The following ZNF536 variants were observed in gnomAD, a reference collection of about 807,000 sequenced individuals.
ZNF536 encodes the protein zinc finger protein 536.
A neutral mutation model predicts 84.5 loss-of-function variants in ZNF536; 13 were observed. That is an observed-to-expected ratio of 0.15 (90% CI 0.10 to 0.24). The LOEUF (loss-of-function observed/expected upper bound fraction) is 0.24, where lower values mean the gene tolerates loss of function less well. Ranked by LOEUF, ZNF536 falls within the 10% of genes least tolerant of loss-of-function variation. The pLI, the probability that ZNF536 is intolerant of heterozygous loss-of-function variation, is 1.00. For missense variants in ZNF536, 1,536 were observed against 1,747.5 expected (o/e 0.88, Z 2.16); for synonymous variants, 811 against 742.5 (o/e 1.09, Z -1.50).
At chr19:30,653,455 G>A (rs2049785859) in intron 1 of ZNF536, among the ~76,000 whole-genome samples, 1 of 152,166 alleles carries the variant, frequency 6.6e-6, no homozygotes, top group Admixed American at 6.5e-5. Context: ...CTCACAGTTG[G>A]GTTTTGTTTG....
In ZNF536 at chr19:30,549,571, G is replaced by A. The variant is rs76109260; in HGVS notation, c.3895+57G>A. The A allele has an allele frequency of 1.4e-3, 1,943 of 1,424,064 alleles. 27 individuals carry two copies. The African/African-American group carries it at 0.025, about 18-fold the overall frequency. 88.2% of individuals were successfully genotyped at this position (1,424,064 alleles called of 1,614,324 possible). On this transcript the variant is annotated intron_variant, in intron 4 of 4. Transcript: ENST00000355537. ...TTTCCCAAAACATCAGTGCTGAATTGTGCATTTAAAAAAATGAGGTAGACT... is the reference window on the plus strand; with the variant it reads ...TTTCCCAAAACATCAGTGCTGAATTATGCATTTAAAAAAATGAGGTAGACT...
At chr19:30,307,323 G>A (rs760310335) in intron 2 of ZNF536, among the ~76,000 whole-genome samples, 12 of 150,638 alleles carry the variant, frequency 8.0e-5, no homozygotes, top group East Asian at 1.9e-4. Context: ...TAAATGAGGC[G>A]TGGCCACTGT....
At chr19:30,540,037 A>G (rs546065180) in intron 3 of ZNF536, among the ~76,000 whole-genome samples, 28 of 152,344 alleles carry the variant, frequency 1.8e-4, no homozygotes, top group African/African-American at 6.7e-4. Context: ...TGGTTTATTA[A>G]TCTGGTTTTG....
At chr19:30,471,719 G>A (rs901514429) in intron 2 of ZNF536, among the ~76,000 whole-genome samples, 3 of 152,258 alleles carry the variant, frequency 2.0e-5, no homozygotes, top group Non-Finnish European at 2.9e-5. Context: ...GCCCTGCTGA[G>A]GCACCTGCCT....
intron 2 of ZNF536, among the ~76,000 whole-genome samples, chr19:30,290,463 G>A (rs1600095375): frequency 6.6e-6 from 1 of 152,116 alleles, no homozygotes; most frequent in Admixed American, 6.5e-5. Context: ...GTAGATATGG[G>A]ATCTTTCTAT....
At position 30,557,023 on chromosome 19, in the gene ZNF536, C is replaced by A. The variant is rs540724562; in HGVS notation, c.3896-134C>A. 6.6e-6 allele frequency: 7 copies of A among 1,064,082 alleles called. No homozygotes were observed. The African/African-American group carries it at 1.1e-4, about 17-fold the overall frequency. 65.9% of individuals were successfully genotyped at this position (1,064,082 alleles called of 1,614,324 possible). On this transcript the variant is annotated intron_variant, in intron 4 of 4. Coordinates refer to ENST00000355537, the MANE Select transcript of ZNF536 (RefSeq NM_014717.3). ...TTGCTTTAGCCAGAGACAGAAGGAC[C>A]AAATTTTATAAATAACACTTTATTG...
intron 2 of ZNF536, among the ~76,000 whole-genome samples, chr19:30,511,034 TG>T (rs1161263674): frequency 6.6e-6 from 1 of 152,154 alleles, no homozygotes; most frequent in African/African-American, 2.4e-5. Context: ...CTCTGAAGTG[TG>T]GGTGGAGTAC....
At chr19:30,315,325 A>G (rs546486608) in intron 2 of ZNF536, among the ~76,000 whole-genome samples, 1 of 152,308 alleles carries the variant, frequency 6.6e-6, no homozygotes, top group Non-Finnish European at 1.5e-5. Context: ...TATTGAGAGT[A>G]GGGAGGCGAA....
At chr19:30,629,388 G>T (rs1322322255) in intron 1 of ZNF536, among the ~76,000 whole-genome samples, 1 of 152,028 alleles carries the variant, frequency 6.6e-6, no homozygotes, top group Non-Finnish European at 1.5e-5. Flanking sequence ...TGTAGACAGG[G>T]TTTTGCCATG....
At chr19:30,711,072 A>G (rs2052439464) in exon 2 of ZNF536, 1 of 152,164 alleles carries the variant, frequency 6.6e-6, no homozygotes, top group Non-Finnish European at 1.5e-5. Flanking sequence ...AAAGTTTGCT[A>G]ACTGCATTCC....
intron 1 of ZNF536, among the ~76,000 whole-genome samples, chr19:30,618,697 C>T (rs182911238): frequency 6.6e-6 from 1 of 151,998 alleles, no homozygotes; most frequent in East Asian, 1.9e-4. Flanking sequence ...CTAATAGTTA[C>T]CTTTGTATAT....
intron 1 of ZNF536, among the ~76,000 whole-genome samples, chr19:30,251,495 C>G (rs1426851013): frequency 1.3e-5 from 2 of 152,198 alleles, no homozygotes; most frequent in African/African-American, 4.8e-5. Context: ...CCTTTAAAAA[C>G]AGCCTCCTTA....
intron 2 of ZNF536, among the ~76,000 whole-genome samples, chr19:30,492,448 G>A (rs1282011232): frequency 6.6e-6 from 1 of 151,926 alleles, no homozygotes; most frequent in Admixed American, 6.6e-5. Context: ...ACAAAGAATT[G>A]GGTTAAAGCT....
chr19:30,472,573 C>G (rs186320842), intron 2 of ZNF536, among the ~76,000 whole-genome samples: 1 of 152,004 alleles, frequency 6.6e-6, no homozygotes, highest in Non-Finnish European at 1.5e-5. Context: ...ACTGAGTCAC[C>G]CAGTGTAGTG....
chr19:30,400,028 C>T (rs899461005), intron 1 of ZNF536, among the ~76,000 whole-genome samples: 8 of 152,130 alleles, frequency 5.3e-5, no homozygotes, highest in African/African-American at 1.4e-4. Context: ...TGCCCTTGAG[C>T]GCCATCTATG....
At chr19:30,398,013 A>T (rs1238100758) in intron 1 of ZNF536, among the ~76,000 whole-genome samples, 6 of 152,230 alleles carry the variant, frequency 3.9e-5, no homozygotes, top group Non-Finnish European at 5.9e-5. Context: ...TTAAATTTTG[A>T]AATAATTATA....
At chr19:30,600,383 C>T (rs543864617) in intron 1 of ZNF536, among the ~76,000 whole-genome samples, 2 of 152,124 alleles carry the variant, frequency 1.3e-5, no homozygotes, top group Non-Finnish European at 2.9e-5. Flanking sequence ...CGTGAGCCAC[C>T]GCACCTGGCC....
chr19:30,654,145 G>T (rs2049815212), intron 1 of ZNF536, among the ~76,000 whole-genome samples: 1 of 152,158 alleles, frequency 6.6e-6, no homozygotes. Context: ...TGCATAAGAA[G>T]TCTCCCTGGC....
At chr19:30,569,559 CTTTTTTTTTTTTTTTT>C (rs34995610) in intron 1 of ZNF536, among the ~76,000 whole-genome samples, 8,494 of 55,186 alleles carry the variant, frequency 0.15, 523 homozygotes, top group Middle Eastern at 0.23. Context: ...GATAAACGTT[CTTTTTTTTTTTTTTTT>C]TTTTTTTTTT....
Sources: gnomAD v4.1 joint callset for allele counts (sites outside exome capture counted in the v4.1 genomes callset) on GRCh38, gnomAD v4.1.1 for gene constraint, MANE v1.5 for transcripts, NCBI Gene and HGNC (gene_info 2026-07-23, HGNC 2026-07-21) for gene names.